The following TRIM36 variants were observed in gnomAD, a reference collection of about 807,000 sequenced individuals.
TRIM36 encodes tripartite motif containing 36, also known as E3 ubiquitin-protein ligase TRIM36.
A neutral mutation model predicts 72.4 loss-of-function variants in TRIM36; 42 were observed. The ratio of observed to expected loss-of-function variants is 0.58; its 90% CI spans 0.45 to 0.75. The LOEUF is 0.75. Among genes scored for constraint, TRIM36 ranks in the 30% least tolerant of loss-of-function variants. The probability of loss-of-function intolerance (pLI) is 0.00; values close to 1 mark genes in which losing one functional copy is unlikely to be tolerated. For missense variants in TRIM36, 913 were observed against 857.1 expected, an observed-to-expected ratio of 1.07 and a Z score of -0.81; for synonymous variants, 315 against 282.8, an observed-to-expected ratio of 1.11 and a Z score of -1.14.
At chr5:115,175,135 A>G (rs529446600) in intron 1 of TRIM36, among the ~76,000 whole-genome samples, 2 of 150,094 alleles carry the variant, frequency 1.3e-5, no homozygotes, top group East Asian at 3.9e-4. Context: ...TGTTCCAAAT[A>G]TCACATTGCA....
In TRIM36 at chr5:115,163,620, C is replaced by A; in HGVS notation, c.160G>T (p.Asp54Tyr). The A allele has an allele frequency of 6.2e-7, 1 of 1,614,162 alleles. No individual in the cohort carries two copies. Among genetic ancestry groups the A allele is most frequent in the Non-Finnish European group, 8.5e-7 (1 of 1,180,030 alleles). ...CVKELLLTLD[D>Y]SFNDVGSDNS... ...TCTGATCCCACATCGTTGAATGAATCATCGAGAGTCAGCAGGAGTTCTTTT... is the reference window on the plus strand; with the variant it reads ...TCTGATCCCACATCGTTGAATGAATAATCGAGAGTCAGCAGGAGTTCTTTT... The change falls in exon 2 of 10, where the codon GAT becomes TAT. Residue 54 changes from aspartate to tyrosine, a missense_variant. Transcript: ENST00000513154.
chr5:115,171,334 A>AT, upstream of TRIM36: 1 of 1,449,530 alleles, frequency 6.9e-7, no homozygotes, highest in Non-Finnish European at 9.4e-7. Flanking sequence ...TTGCCAGGTA[A>AT]TAATGCCTGG....
chr5:115,151,006 A>G (rs529562134), intron 2 of TRIM36, among the ~76,000 whole-genome samples: 1 of 152,296 alleles, frequency 6.6e-6, no homozygotes, highest in African/African-American at 2.4e-5. Context: ...GTTTGTAACA[A>G]TTTGAACTGA....
At chr5:115,176,360 G>T (rs1269327211) in intron 1 of TRIM36, among the ~76,000 whole-genome samples, 1 of 152,048 alleles carries the variant, frequency 6.6e-6, no homozygotes, top group East Asian at 1.9e-4. Context: ...TTTTTTTAAG[G>T]TAAAGTTTGT....
exon 1 of TRIM36, chr5:115,180,071 C>A (rs1012202235): frequency 1.3e-6 from 2 of 1,597,064 alleles, no homozygotes; most frequent in South Asian, 1.1e-5. Flanking sequence ...GGAGGACCGA[C>A]GCGGGTGTAT....
chr5:115,135,989 T>A (rs543713034), intron 7 of TRIM36, among the ~76,000 whole-genome samples: 40 of 152,158 alleles, frequency 2.6e-4, no homozygotes, highest in African/African-American at 9.6e-4. Flanking sequence ...AAGAGAAATC[T>A]TAGGGAGAGG....
intron 2 of TRIM36, among the ~76,000 whole-genome samples, chr5:115,157,763 C>T (rs887241081): frequency 1.1e-4 from 17 of 152,160 alleles, no homozygotes; most frequent in South Asian, 6.2e-4. Context: ...TATATATACA[C>T]GACGGAATAC....
At chr5:115,138,846 C>T (rs1468246345) in intron 5 of TRIM36, among the ~76,000 whole-genome samples, 8 of 152,222 alleles carry the variant, frequency 5.3e-5, no homozygotes, top group Non-Finnish European at 8.8e-5. Context: ...GACAGAGTCT[C>T]GCTCTGTCGC....
intron 8 of TRIM36, among the ~76,000 whole-genome samples, chr5:115,132,184 A>G (rs7713786): frequency 4.1e-4 from 57 of 140,150 alleles, no homozygotes; most frequent in Admixed American, 5.9e-4. Context: ...CTCTCTCTCT[A>G]TGTGTGTGTG....
rs747473260 is a variant in TRIM36 at position 115,134,058 on chromosome 5, C to T, written c.1300G>A (p.Asp434Asn). The T allele has an allele frequency of 3.1e-6, 5 of 1,613,618 alleles. No homozygotes were observed. Among genetic ancestry groups the T allele is most frequent in the Non-Finnish European group, 4.2e-6 (5 of 1,179,832 alleles). Residue 434 changes from aspartate to asparagine, a missense_variant, in exon 8 of 10, where the codon GAT (aspartate) becomes AAT (asparagine). Physicochemically the swap from Asp to Asn is conservative, Grantham distance 23 (BLOSUM62 1). Coordinates refer to ENST00000513154, the MANE Select transcript of TRIM36 (RefSeq NM_001300759.2). Reference sequence around the variant, plus strand: ...TTCCGATATTCAAGAACATAGCTATCAGCTTTATCCTTTTCTGGATGGTGC... The same window carrying T: ...TTCCGATATTCAAGAACATAGCTATTAGCTTTATCCTTTTCTGGATGGTGC... ...NWHHPEKDKA[D>N]SYVLEYRKIN...
At chr5:115,163,190 C>A (rs552871249) in intron 2 of TRIM36, among the ~76,000 whole-genome samples, 2 of 152,116 alleles carry the variant, frequency 1.3e-5, no homozygotes, top group South Asian at 4.1e-4. Context: ...CTCATGACCT[C>A]AGGTGATCCA....
Position 115,143,247 on chromosome 5 carries a change from AAAC to A in TRIM36, c.735+1348_735+1350del, listed in dbSNP as rs1268339761. Among the ~76,000 whole-genome samples, 387 of 144,306 alleles carry A rather than the reference AAAC, an allele frequency of 2.7e-3. 12 individuals carry two copies. The highest frequency in any genetic ancestry group is 0.024 in the Admixed American group (327 of 13,364). The allele number at this position is 144,306 out of a possible 152,430, so 94.7% of individuals were successfully genotyped here. On this transcript the variant is annotated intron_variant, in intron 4 of 9. Coordinates refer to ENST00000513154, the MANE Select transcript of TRIM36 (RefSeq NM_001300759.2). ...CAAAAAAAAAAAAAAAAAAAAAAAA[AAAC>A]AAATCTCTAAATTCACAGGGCATTG...
chr5:115,180,268 G>A (rs186496025), upstream of TRIM36: 7 of 465,946 alleles, frequency 1.5e-5, no homozygotes, highest in East Asian at 2.3e-4. Flanking sequence ...CGGGTGCAGC[G>A]GTCGGGGCTG....
chr5:115,171,661 T>G (rs112115025), upstream of TRIM36, among the ~76,000 whole-genome samples: 4,158 of 152,306 alleles, frequency 0.027, 188 homozygotes, highest in African/African-American at 0.094. Context: ...GAATTAAAGA[T>G]AAAATCTGTA....
chr5:115,139,543 A>G (rs1240138091), intron 5 of TRIM36, among the ~76,000 whole-genome samples: 1 of 152,240 alleles, frequency 6.6e-6, no homozygotes, highest in Non-Finnish European at 1.5e-5. Flanking sequence ...TAACCCCGAC[A>G]GCCACATATT....
chr5:115,145,039 G>A (rs1472224588), intron 3 of TRIM36, among the ~76,000 whole-genome samples: 1 of 152,098 alleles, frequency 6.6e-6, no homozygotes, highest in Non-Finnish European at 1.5e-5. Flanking sequence ...AACTTGTTAA[G>A]TTAGAGTTTC....
intron 2 of TRIM36, among the ~76,000 whole-genome samples, chr5:115,156,894 G>GA (rs1171792630): frequency 2.0e-5 from 3 of 152,096 alleles, no homozygotes; most frequent in Admixed American, 6.5e-5. Context: ...CACAGAGTGG[G>GA]AAAAAATCTT....
chr5:115,127,528 T>C (rs1752421481), intron 9 of TRIM36, among the ~76,000 whole-genome samples: 1 of 152,236 alleles, frequency 6.6e-6, no homozygotes, highest in South Asian at 2.1e-4. Flanking sequence ...ACCACTGCAC[T>C]GCAGTCCTGG....
At chr5:115,165,134 A>C (rs1167388211) in intron 1 of TRIM36, among the ~76,000 whole-genome samples, 1 of 152,102 alleles carries the variant, frequency 6.6e-6, no homozygotes, top group Admixed American at 6.5e-5. Flanking sequence ...CAGCCCACAC[A>C]CCACCTGCTT....
Sources: gnomAD v4.1 joint callset for allele counts (sites outside exome capture counted in the v4.1 genomes callset) on GRCh38, gnomAD v4.1.1 for gene constraint, MANE v1.5 for transcripts, NCBI Gene and HGNC (gene_info 2026-07-23, HGNC 2026-07-21) for gene names.